ERO1B: variants seen among roughly 807,000 people sequenced by gnomAD.
The protein encoded by ERO1B is ERO1-like protein beta.
In ERO1B, 49 loss-of-function variants were observed where a neutral mutation model predicts 75.3. That is an observed-to-expected ratio of 0.65 (90% CI 0.52 to 0.83). The LOEUF is 0.83. Ranked by LOEUF, ERO1B falls within the 40% of genes least tolerant of loss-of-function variation. ERO1B has a pLI of 0.00. For synonymous variants in ERO1B, 191 were observed against 192.9 expected (o/e 0.99, Z 0.08); for missense variants, 512 against 560.1 (o/e 0.91, Z 0.87).
intron 6 of ERO1B, among the ~76,000 whole-genome samples, chr1:236,240,920 G>A (rs1029794286): frequency 6.6e-6 from 1 of 152,122 alleles, no homozygotes; most frequent in Non-Finnish European, 1.5e-5. Flanking sequence ...ATGAGAGCAG[G>A]CTTTTCTGAT....
chr1:236,234,997 G>A (rs1664507361), intron 8 of ERO1B, among the ~76,000 whole-genome samples: 2 of 152,114 alleles, frequency 1.3e-5, no homozygotes, highest in African/African-American at 2.4e-5. Context: ...GTTACATGAC[G>A]CATAGGTTAT....
At chr1:236,225,822 T>C (rs1434065561) in intron 12 of ERO1B, among the ~76,000 whole-genome samples, 2 of 152,018 alleles carry the variant, frequency 1.3e-5, no homozygotes, top group Non-Finnish European at 2.9e-5. Context: ...GTAATCTCAG[T>C]TACTTAGAAG....
chr1:236,273,459 G>T (rs2102966991), intron 1 of ERO1B, among the ~76,000 whole-genome samples: 1 of 152,296 alleles, frequency 6.6e-6, no homozygotes, highest in South Asian at 2.1e-4. Flanking sequence ...ATTGTTTTCA[G>T]ATTTGGCTAA....
intron 2 of ERO1B, among the ~76,000 whole-genome samples, chr1:236,253,763 A>G (rs2695068): frequency 0.25 from 37,726 of 152,082 alleles, 4,865 homozygotes; most frequent in East Asian, 0.38. Context: ...ATTAATGAGA[A>G]TTCTCTCATG....
In ERO1B at chr1:236,243,409, T is replaced by C. The variant is rs201965724; in HGVS notation, c.505+13A>G. On this transcript the variant is annotated intron_variant, in intron 6 of 15. Coordinates refer to ENST00000354619, the MANE Select transcript of ERO1B (RefSeq NM_019891.4). ...AGTTAAAATAATTTAATTATAATAG[T>C]TTATTGTATTACCATCAAGTTCACA... 1 of 1,514,102 alleles carries C rather than the reference T, an allele frequency of 6.6e-7. No individual in the cohort carries two copies. Among genetic ancestry groups the C allele is most frequent in the African/African-American group, 1.4e-5 (1 of 71,862 alleles). The allele number at this position is 1,514,102 out of a possible 1,614,324, so 93.8% of individuals were successfully genotyped here.
chr1:236,248,344 T>A (rs1361708090), intron 5 of ERO1B, among the ~76,000 whole-genome samples: 1 of 152,212 alleles, frequency 6.6e-6, no homozygotes, highest in Non-Finnish European at 1.5e-5. Flanking sequence ...TCAGTATATA[T>A]TCACACCAAG....
chr1:236,260,836 A>G (rs1041065674), intron 2 of ERO1B, among the ~76,000 whole-genome samples: 1 of 146,850 alleles, frequency 6.8e-6, no homozygotes, highest in Admixed American at 6.9e-5. Flanking sequence ...TCGAAGGCAG[A>G]AAAAGACACT....
At chr1:236,249,217 G>T (rs575623229) in intron 5 of ERO1B, among the ~76,000 whole-genome samples, 42 of 152,020 alleles carry the variant, frequency 2.8e-4, no homozygotes, top group African/African-American at 1.0e-3. Flanking sequence ...GTAGAGATGG[G>T]GTTTCACCAT....
chr1:236,232,864 A>AT (rs1240693491), intron 8 of ERO1B, 25 bp from the exon 9 acceptor site: 9 of 1,581,394 alleles, frequency 5.7e-6, no homozygotes, highest in Non-Finnish European at 7.8e-6. Flanking sequence ...AATAGAAAAG[A>AT]TTTTAGAAAA....
chr1:236,222,063 A>G lies in ERO1B; in HGVS notation c.1123-53T>C, dbSNP rs1572028442. The G allele has an allele frequency of 2.2e-6, 3 of 1,335,368 alleles. No homozygotes were observed. In the East Asian group the frequency reaches 7.0e-5, roughly 31 times the overall value. The allele number at this position is 1,335,368 out of a possible 1,614,324, so 82.7% of individuals were successfully genotyped here. A position where few individuals can be genotyped will look rare whatever the true frequency, so the allele number is the denominator to read the frequency against. On this transcript the variant is annotated intron_variant, in intron 13 of 15. Transcript: ENST00000354619. ...AATTAGACTTTTAAAATTGAACCGC[A>G]TTTGGCTAAACGATAAGTAAGTTTT... is the stretch of plus-strand genomic sequence containing the variant.
Position 236,218,502 on chromosome 1 carries a change from C to CA in ERO1B, c.*13dup. The CA allele has an allele frequency of 7.0e-7, 1 of 1,433,024 alleles. No individual in the cohort carries two copies. The highest frequency in any genetic ancestry group is 1.5e-5 in the African/African-American group (1 of 67,846). 88.8% of individuals were successfully genotyped at this position (1,433,024 alleles called of 1,614,324 possible). A position where few individuals can be genotyped will look rare whatever the true frequency, so the allele number is the denominator to read the frequency against. ...GTCACTTTATGTCTCTAGTTAGACACATAAAAGCCTTTATTACCTACTGTG... is the reference window on the plus strand; with the variant it reads ...GTCACTTTATGTCTCTAGTTAGACACAATAAAAGCCTTTATTACCTACTGTG... On this transcript the variant is annotated 3_prime_UTR_variant, in exon 16 of 16. Coordinates refer to ENST00000354619, the MANE Select transcript of ERO1B (RefSeq NM_019891.4).
intron 5 of ERO1B, 125 bp from the exon 6 acceptor site, chr1:236,243,620 C>G (rs1376049921): frequency 1.8e-6 from 1 of 545,740 alleles, no homozygotes; most frequent in African/African-American, 2.0e-5. Flanking sequence ...TGTCACAATT[C>G]TGCTATTAGT....
intron 2 of ERO1B, among the ~76,000 whole-genome samples, chr1:236,263,684 T>C (rs1665343988): frequency 6.6e-6 from 1 of 152,136 alleles, no homozygotes; most frequent in South Asian, 2.1e-4. Context: ...TTTTAAAGCT[T>C]TCCTCCTTTA....
At chr1:236,270,221 G>A (rs1558522703) in intron 1 of ERO1B, among the ~76,000 whole-genome samples, 1 of 152,198 alleles carries the variant, frequency 6.6e-6, no homozygotes, top group Non-Finnish European at 1.5e-5. Context: ...AGCACTTGAA[G>A]AGTATTGAAT....
intron 10 of ERO1B, 112 bp from the exon 11 acceptor site, chr1:236,226,851 T>C: frequency 1.3e-6 from 1 of 751,736 alleles, no homozygotes. Context: ...TTAAAATAAA[T>C]CAAGGAATAA....
intron 2 of ERO1B, among the ~76,000 whole-genome samples, chr1:236,263,769 TTTTG>T (rs1436884527): frequency 6.8e-6 from 1 of 147,080 alleles, no homozygotes; most frequent in African/African-American, 2.5e-5. Context: ...TTTTGTTTTA[TTTTG>T]TTTGCTTTTT....
chr1:236,219,145 G>A (rs1478378930), intron 15 of ERO1B, among the ~76,000 whole-genome samples: 1 of 152,138 alleles, frequency 6.6e-6, no homozygotes, highest in Non-Finnish European at 1.5e-5. Flanking sequence ...GTACAATTCA[G>A]GGGTGATAGA....
intron 13 of ERO1B, among the ~76,000 whole-genome samples, chr1:236,223,102 T>G (rs1256354663): frequency 1.3e-5 from 2 of 149,024 alleles, no homozygotes; most frequent in Non-Finnish European, 3.0e-5. Context: ...CTTGGGAGGC[T>G]GAGGAAGAAG....
chr1:236,229,397 C>G (rs1664348731), intron 10 of ERO1B, among the ~76,000 whole-genome samples: 1 of 151,414 alleles, frequency 6.6e-6, no homozygotes, highest in Admixed American at 6.6e-5. Flanking sequence ...TGCACTCCAG[C>G]CTGGGCAACA....
Sources: allele counts gnomAD v4.1 joint callset (sites outside exome capture counted in the v4.1 genomes callset), GRCh38; gene constraint gnomAD v4.1.1; transcripts MANE v1.5; gene names NCBI Gene and HGNC (gene_info 2026-07-23, HGNC 2026-07-21).